Variants in ANOS1 observed in about 807,000 individuals in gnomAD.
The protein encoded by ANOS1 is anosmin 1.
In ANOS1, 6 loss-of-function variants were observed where a neutral mutation model predicts 59.0. The ratio of observed to expected loss-of-function variants is 0.10; its 90% CI spans 0.06 to 0.20. The LOEUF is 0.20. Ranked by LOEUF, ANOS1 falls within the 10% of genes least tolerant of loss-of-function variation. The pLI, the probability that ANOS1 is intolerant of heterozygous loss-of-function variation, is 1.00. For missense variants in ANOS1, 433 were observed against 542.3 expected (o/e 0.80, Z 2.00); for synonymous variants, 217 against 223.4 (o/e 0.97, Z 0.25).
chrX:8,703,946 C>T (rs1211609473), intron 1 of ANOS1, among the ~76,000 whole-genome samples: 1 of 111,754 alleles, frequency 8.9e-6, no homozygotes, highest in Non-Finnish European at 1.9e-5. Context: ...ACCCAAATCT[C>T]ATCTTGAATT....
At chrX:8,712,760 A>G (rs184571776) in intron 1 of ANOS1, among the ~76,000 whole-genome samples, 1 of 112,414 alleles carries the variant, frequency 8.9e-6, no homozygotes, top group African/African-American at 3.2e-5. Flanking sequence ...TCCATAATGT[A>G]AACTGTTTAG....
chrX:8,667,925 G>C (rs1391076734), intron 2 of ANOS1, among the ~76,000 whole-genome samples: 1 of 111,577 alleles, frequency 9.0e-6, no homozygotes, highest in South Asian at 3.8e-4. Flanking sequence ...TTCCCCATAT[G>C]CATAATGAGA....
At chrX:8,627,675 A>T (rs1193178771) in intron 2 of ANOS1, among the ~76,000 whole-genome samples, 1 of 111,008 alleles carries the variant, frequency 9.0e-6, no homozygotes, top group East Asian at 2.8e-4. Context: ...ATCTGAGTAA[A>T]TGTTTGCAGG....
intron 2 of ANOS1, among the ~76,000 whole-genome samples, chrX:8,654,026 C>T (rs1296199842): frequency 8.9e-6 from 1 of 112,118 alleles, no homozygotes; most frequent in East Asian, 2.8e-4. Context: ...TCCCTTGGCA[C>T]TGATCCTAAA....
chrX:8,633,040 A>G (rs1385193969), intron 2 of ANOS1, among the ~76,000 whole-genome samples: 1 of 111,504 alleles, frequency 9.0e-6, no homozygotes, highest in Non-Finnish European at 1.9e-5. Context: ...AATTGTTACA[A>G]TCCTGTGTGT....
At chrX:8,571,397 T>G (rs1930231204) in intron 6 of ANOS1, among the ~76,000 whole-genome samples, 1 of 111,554 alleles carries the variant, frequency 9.0e-6, no homozygotes, top group African/African-American at 3.3e-5. Flanking sequence ...CTTTTAACAC[T>G]CTGAAAAGAA....
At chrX:8,565,907 G>T in intron 8 of ANOS1, 1 of 572,053 alleles carries the variant, frequency 1.7e-6, no homozygotes, top group Non-Finnish European at 2.1e-6. Flanking sequence ...AGTGGTCAGG[G>T]TGGGAGGGCA....
chrX:8,659,514 C>T (rs1320364936), intron 2 of ANOS1, among the ~76,000 whole-genome samples: 1 of 105,059 alleles, frequency 9.5e-6, no homozygotes, highest in Non-Finnish European at 1.9e-5. Context: ...TCCCTGCTTG[C>T]TTGCTTTTCT....
At chrX:8,683,229 C>T (rs1932453687) in intron 2 of ANOS1, among the ~76,000 whole-genome samples, 2 of 111,073 alleles carry the variant, frequency 1.8e-5, no homozygotes, top group South Asian at 7.7e-4. Context: ...TTGCAGGCAG[C>T]TAGATAGAAA....
At chrX:8,701,145 G>C (rs1932753429) in intron 1 of ANOS1, among the ~76,000 whole-genome samples, 1 of 110,285 alleles carries the variant, frequency 9.1e-6, no homozygotes, top group South Asian at 3.9e-4. Flanking sequence ...GGTTATGCTA[G>C]GCCGGAATAG....
intron 2 of ANOS1, among the ~76,000 whole-genome samples, chrX:8,668,884 G>C (rs1932209605): frequency 9.0e-6 from 1 of 111,413 alleles, no homozygotes. Flanking sequence ...GAGTCAAAAG[G>C]TTTGGGATGA....
chrX:8,634,826 T>C (rs1931546775), intron 2 of ANOS1, among the ~76,000 whole-genome samples: 1 of 111,757 alleles, frequency 8.9e-6, no homozygotes, highest in African/African-American at 3.3e-5. Flanking sequence ...AAAATTTAAG[T>C]TCCTATCAAT....
chrX:8,704,217 G>C (rs537427050), intron 1 of ANOS1, among the ~76,000 whole-genome samples: 2 of 111,728 alleles, frequency 1.8e-5, no homozygotes, highest in Middle Eastern at 9.2e-3. Context: ...CTTTTTCTTT[G>C]TAAATTACCC....
chrX:8,610,904 C>G (rs1421731772), intron 3 of ANOS1, among the ~76,000 whole-genome samples: 1 of 111,598 alleles, frequency 9.0e-6, no homozygotes, highest in Non-Finnish European at 1.9e-5. Context: ...AAATTCAAAA[C>G]ACAAAAATTT....
At chrX:8,682,676 T>C (rs1447307728) in intron 2 of ANOS1, among the ~76,000 whole-genome samples, 1 of 111,180 alleles carries the variant, frequency 9.0e-6, no homozygotes, top group Non-Finnish European at 1.9e-5. Context: ...TGCCACTTGC[T>C]CTTCATCCCC....
chrX:8,569,467 C>T (rs1219628396), intron 7 of ANOS1, among the ~76,000 whole-genome samples: 2 of 111,519 alleles, frequency 1.8e-5, no homozygotes, highest in South Asian at 3.8e-4. Context: ...ATGGTGAAAC[C>T]CTGTCTCTAC....
At chrX:8,652,288 T>G (rs1931861916) in intron 2 of ANOS1, among the ~76,000 whole-genome samples, 1 of 111,702 alleles carries the variant, frequency 9.0e-6, no homozygotes, top group African/African-American at 3.3e-5. Context: ...GTTTCTGATT[T>G]TTGTTTTTAG....
chrX:8,615,840 TAC>T (rs1931164853), intron 3 of ANOS1, among the ~76,000 whole-genome samples: 2 of 111,555 alleles, frequency 1.8e-5, no homozygotes, highest in South Asian at 3.7e-4. Flanking sequence ...CCTGCCTCCA[TAC>T]ACACACAATG....
intron 3 of ANOS1, among the ~76,000 whole-genome samples, chrX:8,616,213 A>G (rs1289920418): frequency 9.0e-6 from 1 of 111,431 alleles, no homozygotes; most frequent in African/African-American, 3.3e-5. Flanking sequence ...CGATTAATAA[A>G]TTTGAAGTCT....
Sources: gnomAD v4.1 joint callset for allele counts (sites outside exome capture counted in the v4.1 genomes callset) on GRCh38, gnomAD v4.1.1 for gene constraint, MANE v1.5 for transcripts, NCBI Gene and HGNC (gene_info 2026-07-23, HGNC 2026-07-21) for gene names.